HDAC4: variants seen among roughly 807,000 people sequenced by gnomAD.
HDAC4 encodes histone deacetylase A.
Under a neutral mutation model 135.1 loss-of-function variants are expected in HDAC4, and 16 were observed. The observed-to-expected ratio is 0.12, with a 90% CI of 0.08 to 0.18. The LOEUF (loss-of-function observed/expected upper bound fraction) is 0.18. HDAC4 is among the 10% of genes least tolerant of loss of function. HDAC4 has a pLI of 1.00. For synonymous variants in HDAC4, 685 were observed against 653.4 expected (o/e 1.05, Z -0.74); for missense variants, 1,143 against 1,511.8 (o/e 0.76, Z 4.05).
intron 2 of HDAC4, chr2:239,298,185 A>G: frequency 7.8e-7 from 1 of 1,287,620 alleles, no homozygotes. Context: ...GCTGACAGCA[A>G]GCTCAGGGAA....
intron 6 of HDAC4, among the ~76,000 whole-genome samples, chr2:239,158,767 A>T (rs1162763578): frequency 6.6e-6 from 1 of 152,080 alleles, no homozygotes; most frequent in Non-Finnish European, 1.5e-5. Context: ...CCTCACCGTC[A>T]GGGCAGGTCA....
In HDAC4 at chr2:239,272,192, C is replaced by T. The variant is rs1434236242; in HGVS notation, c.23-35528G>A. On this transcript the variant is annotated intron_variant, in intron 2 of 26. Coordinates refer to ENST00000543185, the MANE Select transcript of HDAC4 (RefSeq NM_001378414.1). ...AGAGAAGCCTTTTAGCATTTACATT[C>T]AACAGAAGCCAAAAGCCAGGAGCCC... 1.1e-4 allele frequency among the ~76,000 whole-genome samples: 17 copies of T among 152,292 alleles called. No individual in the cohort carries two copies. In the East Asian group the frequency reaches 3.3e-3, roughly 29 times the overall value.
Position 239,115,812 on chromosome 2 carries a change from C to T in HDAC4, c.1534-502G>A, listed in dbSNP as rs78186043. The stretch of plus-strand genomic sequence containing the variant: ...GGCCTCCCCTCCTGCAGGATCCCAC[C>T]GATGTGCCATGACCTCCCTCCTGCC... On this transcript the variant is annotated intron_variant, in intron 12 of 26. Transcript: ENST00000543185. This position sits in a 1 kb window ranked among gnomAD's most constrained non-coding sequence, Gnocchi z 6.3. Among the ~76,000 whole-genome samples, 854 of 151,690 alleles carry T rather than the reference C, an allele frequency of 5.6e-3. 7 individuals are homozygous for T. The highest frequency in any genetic ancestry group is 0.02 in the African/African-American group (818 of 41,392).
chr2:239,116,692 T>G (rs1453635006), intron 12 of HDAC4, among the ~76,000 whole-genome samples: 1 of 152,244 alleles, frequency 6.6e-6, no homozygotes, highest in African/African-American at 2.4e-5. Flanking sequence ...TCTGCCATCC[T>G]GCCTCTGCTG....
At chr2:239,113,630 G>C (rs1009875526) in intron 13 of HDAC4, among the ~76,000 whole-genome samples, 6 of 152,184 alleles carry the variant, frequency 3.9e-5, no homozygotes, top group African/African-American at 1.4e-4. Flanking sequence ...TGATCTATGA[G>C]AAACTAGCCC....
intron 2 of HDAC4, among the ~76,000 whole-genome samples, chr2:239,247,107 G>A (rs960479185): frequency 6.6e-6 from 1 of 152,204 alleles, no homozygotes; most frequent in Non-Finnish European, 1.5e-5. Context: ...TGCAGCTATC[G>A]GCAATGGCTG....
In HDAC4 at chr2:239,221,142, T is replaced by C. The variant is rs1230078041; in HGVS notation, c.94+15451A>G. On this transcript the variant is annotated intron_variant, in intron 3 of 26. Coordinates refer to ENST00000543185, the MANE Select transcript of HDAC4 (RefSeq NM_001378414.1). ...AGGCGCCTTAAATGATTCCTCTACA[T>C]GAAGGAGAACCCTGTCAGATGGTAT... 2.0e-5 allele frequency among the ~76,000 whole-genome samples: 3 copies of C among 152,174 alleles called. No homozygotes were observed. The East Asian group carries it at 5.8e-4, about 29-fold the overall frequency.
intron 2 of HDAC4, among the ~76,000 whole-genome samples, chr2:239,348,736 GCTCCAGGGC>G (rs1328824755): frequency 6.6e-6 from 1 of 152,210 alleles, no homozygotes; most frequent in Non-Finnish European, 1.5e-5. Flanking sequence ...GGGGCGTAAG[GCTCCAGGGC>G]CTCCTTTCAA....
intron 18 of HDAC4, among the ~76,000 whole-genome samples, chr2:239,088,205 T>A (rs1175777410): frequency 1.3e-5 from 2 of 152,196 alleles, no homozygotes; most frequent in African/African-American, 4.8e-5. Flanking sequence ...CAAAAATCCA[T>A]CTGCAAACCA....
At chr2:239,147,978 T>C (rs2041871888) in intron 7 of HDAC4, among the ~76,000 whole-genome samples, 1 of 152,218 alleles carries the variant, frequency 6.6e-6, no homozygotes, top group Non-Finnish European at 1.5e-5. Context: ...CGGAACGCTT[T>C]AACTCTTAGG....
chr2:239,163,919 G>A lies in HDAC4; in HGVS notation c.495C>T (p.Ala165=), dbSNP rs765549647. The A allele has an allele frequency of 2.0e-5, 32 of 1,613,932 alleles. No homozygotes were observed. The highest frequency in any genetic ancestry group is 7.7e-5 in the South Asian group (7 of 91,076). Residue 165 remains alanine (A), a synonymous_variant, in exon 6 of 27, where the codon GCC becomes GCT. Transcript: ENST00000543185. ...TCATCTTCACTTCTGTGCTGGCCAC[G>A]GCACCTGGCGTGGGAGAAAGCATAG... The part of the protein sequence containing the change: ...LKNKEKGKES[A]VASTEVKMKL...
chr2:239,302,318 G>A (rs1011247339), intron 2 of HDAC4, among the ~76,000 whole-genome samples: 1 of 152,160 alleles, frequency 6.6e-6, no homozygotes, highest in Admixed American at 6.5e-5. Context: ...TCAAAGTCAA[G>A]GGCAAGGCCA....
At chr2:239,379,547 C>G (rs1359656654) in intron 1 of HDAC4, among the ~76,000 whole-genome samples, 1 of 152,186 alleles carries the variant, frequency 6.6e-6, no homozygotes, top group Non-Finnish European at 1.5e-5. Context: ...CAGGTCCCCT[C>G]GGCCTGAGCT....
chr2:239,107,267 T>C (rs1345897382), intron 15 of HDAC4, among the ~76,000 whole-genome samples: 1 of 152,164 alleles, frequency 6.6e-6, no homozygotes, highest in Admixed American at 6.5e-5. Flanking sequence ...CCTTCTTGCC[T>C]CCTTGGGCCT....
At chr2:239,297,968 A>G (rs1209495454) in intron 2 of HDAC4, among the ~76,000 whole-genome samples, 1 of 152,178 alleles carries the variant, frequency 6.6e-6, no homozygotes, top group Admixed American at 6.5e-5. Context: ...CGCGGCTGCT[A>G]AGTGCCTCTG....
intron 3 of HDAC4, among the ~76,000 whole-genome samples, chr2:239,201,851 G>A (rs953649197): frequency 1.6e-4 from 25 of 152,176 alleles, no homozygotes; most frequent in Admixed American, 1.3e-3. Flanking sequence ...TATGTAAATC[G>A]GCTTTCACTT....
intron 1 of HDAC4, among the ~76,000 whole-genome samples, chr2:239,393,847 T>G (rs1168992427): frequency 1.3e-5 from 2 of 152,242 alleles, no homozygotes; most frequent in Non-Finnish European, 2.9e-5. Context: ...ACAGAGAATG[T>G]GTTCAACTGA....
At chr2:239,182,583 C>T (rs913803123) in intron 4 of HDAC4, among the ~76,000 whole-genome samples, 21 of 152,192 alleles carry the variant, frequency 1.4e-4, no homozygotes, top group African/African-American at 2.4e-5. Flanking sequence ...CCCCCGGCAA[C>T]GCTGTGTGAT....
At position 239,299,055 on chromosome 2, in the gene HDAC4, A is replaced by C. The variant is rs2052088006; in HGVS notation, c.22+53623T>G. On this transcript the variant is annotated intron_variant, in intron 2 of 26. Transcript: ENST00000543185. The surrounding 1 kb of genome is among the most constrained non-coding windows in gnomAD (Gnocchi z 4.0). ...AGCTAATTTTTTGTATTTTTAGTAG[A>C]GACGGGGTTTCATGTTAGCCAGGAT... is the stretch of plus-strand genomic sequence containing the variant. Among the ~76,000 whole-genome samples the C allele has an allele frequency of 6.6e-6, 1 of 151,856 alleles. No homozygotes were observed. Among genetic ancestry groups the C allele is most frequent in the African/African-American group, 2.4e-5 (1 of 41,356 alleles).
Sources: gnomAD v4.1 joint callset for allele counts (sites outside exome capture counted in the v4.1 genomes callset) on GRCh38, gnomAD v4.1.1 for gene constraint, Gnocchi (gnomAD v3.1) non-coding constraint, MANE v1.5 for transcripts, NCBI Gene and HGNC (gene_info 2026-07-23, HGNC 2026-07-21) for gene names.